SLC44A5: variants seen among roughly 807,000 people sequenced by gnomAD.
SLC44A5 encodes solute carrier family 44 member 5.
In SLC44A5, 57 loss-of-function variants were observed where a neutral mutation model predicts 101.8. The ratio of observed to expected loss-of-function variants is 0.56; its 90% CI spans 0.45 to 0.70. The LOEUF (loss-of-function observed/expected upper bound fraction) is 0.70. Among genes scored for constraint, SLC44A5 ranks in the 30% least tolerant of loss-of-function variants. The pLI, the probability that SLC44A5 is intolerant of heterozygous loss-of-function variation, is 0.00. For missense variants in SLC44A5, 737 were observed against 853.1 expected, an observed-to-expected ratio of 0.86 and a Z score of 1.70; for synonymous variants, 281 against 290.9, an observed-to-expected ratio of 0.97 and a Z score of 0.35.
At chr1:75,479,703 A>G (rs1474003159) in intron 2 of SLC44A5, among the ~76,000 whole-genome samples, 1 of 151,912 alleles carries the variant, frequency 6.6e-6, no homozygotes. Flanking sequence ...TAAACCAGGA[A>G]GAAGTTGAAT....
Position 75,584,623 on chromosome 1 carries a change from C to T in SLC44A5, c.-70+26417G>A, listed in dbSNP as rs191745607. ...GTTTAGTATTTTTGAGACTGAGTTT[C>T]GCTCTGTCACCCAGGCTGGAGTGCA... On this transcript the variant is annotated intron_variant, in intron 1 of 23. Coordinates refer to ENST00000370859, the MANE Select transcript of SLC44A5 (RefSeq NM_001130058.2). 8.8e-4 allele frequency among the ~76,000 whole-genome samples: 134 copies of T among 152,034 alleles called. 1 individual carries two copies. In the East Asian group the frequency reaches 0.014, roughly 16 times the overall value.
chr1:75,397,092 T>C (rs1477410160), intron 2 of SLC44A5, among the ~76,000 whole-genome samples: 2 of 152,178 alleles, frequency 1.3e-5, no homozygotes, highest in African/African-American at 4.8e-5. Context: ...AAAAGAGATA[T>C]ATTTTGAATT....
intron 1 of SLC44A5, chr1:75,582,090 G>A (rs1439905198): frequency 6.9e-6 from 5 of 719,756 alleles, no homozygotes; most frequent in African/African-American, 1.7e-5. Context: ...GGGTTACAGT[G>A]CAGACATGGC....
chr1:75,299,752 T>C (rs1421325043), intron 5 of SLC44A5, among the ~76,000 whole-genome samples: 1 of 151,896 alleles, frequency 6.6e-6, no homozygotes, highest in East Asian at 1.9e-4. Context: ...AGCTCATGCC[T>C]GTAATCCCAG....
intron 2 of SLC44A5, among the ~76,000 whole-genome samples, chr1:75,439,861 G>GA (rs976337189): frequency 2.6e-5 from 4 of 151,890 alleles, no homozygotes; most frequent in African/African-American, 9.6e-5. Context: ...ACAGGACAAA[G>GA]AAAAAATATC....
chr1:75,313,807 T>C (rs1425472043), intron 4 of SLC44A5, among the ~76,000 whole-genome samples: 1 of 151,900 alleles, frequency 6.6e-6, no homozygotes, highest in Non-Finnish European at 1.5e-5. Context: ...TCCGAAGTTA[T>C]TAAAGATTGA....
At chr1:75,219,681 T>C (rs773301613) in intron 15 of SLC44A5, 119 bp downstream of exon 15, 573 of 653,734 alleles carry the variant, frequency 8.8e-4, no homozygotes, top group Non-Finnish European at 1.3e-3. Flanking sequence ...GGGAAAAAAA[T>C]AGTTATTTCT....
chr1:75,551,761 C>A (rs1671950243), intron 1 of SLC44A5, among the ~76,000 whole-genome samples: 1 of 152,034 alleles, frequency 6.6e-6, no homozygotes, highest in Admixed American at 6.6e-5. Flanking sequence ...CGTCACAATA[C>A]AATTTTGTAC....
In SLC44A5 at chr1:75,541,491, C is replaced by T. The variant is rs763966949; in HGVS notation, c.-44G>A. On this transcript the variant is annotated 5_prime_UTR_variant, in exon 2 of 24. Coordinates refer to ENST00000370859, the MANE Select transcript of SLC44A5 (RefSeq NM_001130058.2). The stretch of plus-strand genomic sequence containing the variant: ...CTTCAGAAGTAGGCCTGAATCACTG[C>T]AAACTTGAGTTGCTTAGAAAAGAGT... 6.2e-7 allele frequency: 1 copy of T among 1,606,522 alleles called. No homozygotes were observed. The highest frequency in any genetic ancestry group is 8.5e-7 in the Non-Finnish European group (1 of 1,175,696).
intron 13 of SLC44A5, among the ~76,000 whole-genome samples, chr1:75,225,761 G>A (rs546600928): frequency 7.4e-4 from 112 of 152,178 alleles, no homozygotes; most frequent in Non-Finnish European, 1.3e-3. Flanking sequence ...TGAAAAGTGA[G>A]TTATGAAAGC....
At chr1:75,216,263 G>A (rs1256899975) in intron 18 of SLC44A5, among the ~76,000 whole-genome samples, 2 of 151,888 alleles carry the variant, frequency 1.3e-5, no homozygotes, top group Admixed American at 6.6e-5. Context: ...GCATGATGTC[G>A]TCAAGGGTCA....
chr1:75,409,504 CA>C (rs1426888217), intron 2 of SLC44A5, among the ~76,000 whole-genome samples: 3 of 151,736 alleles, frequency 2.0e-5, no homozygotes, highest in East Asian at 3.9e-4. Context: ...AGTGAGTGTT[CA>C]AAAAGAGAGA....
intron 4 of SLC44A5, among the ~76,000 whole-genome samples, chr1:75,303,833 A>T (rs1183880482): frequency 1.3e-5 from 2 of 152,178 alleles, no homozygotes. Context: ...GAGGGATAGC[A>T]TTAGAAGATA....
intron 2 of SLC44A5, among the ~76,000 whole-genome samples, chr1:75,518,108 C>A (rs1669933221): frequency 6.6e-6 from 1 of 152,186 alleles, no homozygotes; most frequent in Non-Finnish European, 1.5e-5. Flanking sequence ...GCCATAAGTT[C>A]ATTTGCTTCC....
chr1:75,373,850 G>A (rs1270936937), intron 3 of SLC44A5, among the ~76,000 whole-genome samples: 5 of 152,184 alleles, frequency 3.3e-5, no homozygotes, highest in South Asian at 4.1e-4. Context: ...ACTACTGGCC[G>A]AGTCCCTACC....
At chr1:75,475,189 A>G (rs530738040) in intron 2 of SLC44A5, among the ~76,000 whole-genome samples, 58 of 152,366 alleles carry the variant, frequency 3.8e-4, no homozygotes, top group African/African-American at 1.4e-3. Context: ...CAGCTCAGCA[A>G]AAGCCTAATA....
intron 3 of SLC44A5, among the ~76,000 whole-genome samples, chr1:75,393,421 G>A (rs1661924106): frequency 6.6e-6 from 1 of 151,858 alleles, no homozygotes; most frequent in Non-Finnish European, 1.5e-5. Context: ...TATTACAAAG[G>A]GTTAAAAACT....
At chr1:75,683,307 G>T in the SLC44A5 span, among the ~76,000 whole-genome samples, 2 of 152,144 alleles carry the variant, frequency 1.3e-5, no homozygotes, top group Admixed American at 6.6e-5. Context: ...ACATGCATAC[G>T]TATGTTTATT....
At chr1:75,271,222 T>C (rs946890361) in intron 6 of SLC44A5, among the ~76,000 whole-genome samples, 5 of 152,150 alleles carry the variant, frequency 3.3e-5, no homozygotes, top group African/African-American at 1.2e-4. Flanking sequence ...ATTGTGATAA[T>C]TCTACTTCAT....
Sources: allele counts gnomAD v4.1 joint callset (sites outside exome capture counted in the v4.1 genomes callset), GRCh38; gene constraint gnomAD v4.1.1; transcripts MANE v1.5; gene names NCBI Gene and HGNC (gene_info 2026-07-23, HGNC 2026-07-21).